The following RARB variants were observed in gnomAD, a reference collection of about 807,000 sequenced individuals.
RARB encodes HBV-activated protein.
In RARB, 17 loss-of-function variants were observed where a neutral mutation model predicts 51.9. The observed-to-expected ratio is 0.33, with a 90% confidence interval of 0.22 to 0.49. The LOEUF is 0.49. Among genes scored for constraint, RARB ranks in the 20% least tolerant of loss-of-function variants. The probability of loss-of-function intolerance (pLI) is 0.99; values close to 1 mark genes in which losing one functional copy is unlikely to be tolerated. For synonymous variants in RARB, 215 were observed against 195.4 expected (o/e 1.10, Z -0.84); for missense variants, 369 against 550.8 (o/e 0.67, Z 3.30).
intron 5 of RARB, among the ~76,000 whole-genome samples, chr3:25,363,980 G>T (rs1435613184): frequency 6.6e-6 from 1 of 152,054 alleles, no homozygotes; most frequent in Non-Finnish European, 1.5e-5. Flanking sequence ...TCCACTCATT[G>T]CTCAAACATC....
Position 24,868,665 on chromosome 3 carries a change from G to T in RARB, c.-380+9913G>T, listed in dbSNP as rs960421037. 2.0e-5 allele frequency among the ~76,000 whole-genome samples: 3 copies of T among 152,208 alleles called. No individual in the cohort carries two copies. The South Asian group carries it at 6.2e-4, about 32-fold the overall frequency. ...ATAACAGACTTTTTAGGTATAATAA[G>T]AAACATTTACAATCTATTCTCTCTG... is the stretch of plus-strand genomic sequence containing the variant. On this transcript the variant is annotated intron_variant, in intron 2 of 11. Coordinates refer to the RARB transcript ENST00000383772.
At position 25,110,400 on chromosome 3, in the gene RARB, T is replaced by C. The variant is rs529074912; in HGVS notation, c.-327-21761T>C. On this transcript the variant is annotated intron_variant, in intron 3 of 11. Coordinates refer to the RARB transcript ENST00000383772. ...AAATGAGGAAACTCAATCTAAGAGA[T>C]GCCAAAATCACTCAGTGAGTTAAGT... Among the ~76,000 whole-genome samples, 4 of 152,348 alleles carry C rather than the reference T, an allele frequency of 2.6e-5. No homozygotes were observed. The South Asian group carries it at 8.3e-4, about 32-fold the overall frequency.
intron 5 of RARB, among the ~76,000 whole-genome samples, chr3:25,305,584 C>T (rs2125430019): frequency 6.6e-6 from 1 of 152,284 alleles, no homozygotes; most frequent in African/African-American, 2.4e-5. Context: ...TGCCCAGAGG[C>T]TCTGAACCTT....
intron 5 of RARB, among the ~76,000 whole-genome samples, chr3:25,408,059 G>A (rs562782827): frequency 3.3e-5 from 5 of 152,102 alleles, no homozygotes; most frequent in Admixed American, 6.5e-5. Context: ...TGGATCTTCC[G>A]TATAAACCAC....
At chr3:24,885,928 A>G (rs975358315) in intron 2 of RARB, among the ~76,000 whole-genome samples, 1 of 152,184 alleles carries the variant, frequency 6.6e-6, no homozygotes, top group Non-Finnish European at 1.5e-5. Flanking sequence ...TATTTCTGTT[A>G]TATGCCACCT....
At chr3:25,383,028 A>C (rs981058036) in intron 5 of RARB, among the ~76,000 whole-genome samples, 2 of 152,200 alleles carry the variant, frequency 1.3e-5, no homozygotes, top group Admixed American at 1.3e-4. Context: ...GCCCGTTGTT[A>C]ACAATAGCAC....
chr3:25,225,170 G>A (rs1413724127), intron 5 of RARB, among the ~76,000 whole-genome samples: 7 of 152,070 alleles, frequency 4.6e-5, no homozygotes, highest in African/African-American at 1.7e-4. Flanking sequence ...TTTATAAGAT[G>A]CTTACTACAT....
chr3:25,515,273 A>G (rs949886800), intron 3 of RARB, among the ~76,000 whole-genome samples: 2 of 152,254 alleles, frequency 1.3e-5, no homozygotes, highest in Admixed American at 6.5e-5. Context: ...AGGACTGACA[A>G]TAGCAAATGT....
intron 5 of RARB, among the ~76,000 whole-genome samples, chr3:25,306,147 C>T (rs1236593379): frequency 6.6e-6 from 1 of 152,102 alleles, no homozygotes; most frequent in Non-Finnish European, 1.5e-5. Flanking sequence ...AAGTCCAGTG[C>T]CCCATTTTTG....
At chr3:25,081,857 T>A (rs1699012280) in intron 3 of RARB, among the ~76,000 whole-genome samples, 1 of 151,456 alleles carries the variant, frequency 6.6e-6, no homozygotes, top group African/African-American at 2.4e-5. Flanking sequence ...GGTCTCGAAC[T>A]CCTGACCTCA....
intron 5 of RARB, among the ~76,000 whole-genome samples, chr3:25,300,117 A>C (rs752056547): frequency 2.0e-5 from 3 of 152,222 alleles, no homozygotes; most frequent in Non-Finnish European, 2.9e-5. Context: ...AAATAATTTG[A>C]GAACCACTGC....
intron 3 of RARB, among the ~76,000 whole-genome samples, chr3:25,111,414 G>T (rs1304239747): frequency 6.6e-6 from 1 of 152,030 alleles, no homozygotes; most frequent in Non-Finnish European, 1.5e-5. Flanking sequence ...CTTATTTGTT[G>T]TTGTTCCTTG....
At position 25,024,722 on chromosome 3, in the gene RARB, C is replaced by T. The variant is rs140607243; in HGVS notation, c.-379-35403C>T. Among the ~76,000 whole-genome samples, 800 of 152,064 alleles carry T rather than the reference C, an allele frequency of 5.3e-3. 5 individuals carry two copies. Among genetic ancestry groups the T allele is most frequent in the African/African-American group, 0.017 (713 of 41,510 alleles). On this transcript the variant is annotated intron_variant, in intron 2 of 11. Coordinates refer to the RARB transcript ENST00000383772. ...ATCCCAGCACTTTGGGAGGCCAAGA[C>T]GGGCCAGATCACTTGAGCTCAGGAG...
intron 2 of RARB, among the ~76,000 whole-genome samples, chr3:24,982,738 T>C (rs574832137): frequency 1.3e-5 from 2 of 152,294 alleles, no homozygotes; most frequent in African/African-American, 2.4e-5. Flanking sequence ...TGGCTCCTAA[T>C]AATAGTTACA....
intron 3 of RARB, among the ~76,000 whole-genome samples, chr3:25,113,843 G>T (rs151309649): frequency 1.6e-4 from 24 of 152,172 alleles, no homozygotes; most frequent in Non-Finnish European, 3.2e-4. Context: ...AGGAGAGGCT[G>T]GTTGCATTGC....
Position 25,594,536 on chromosome 3 carries a change from G to A in RARB, c.1008G>A (p.Glu336=), listed in dbSNP as rs1701739099. 4 of 1,609,766 alleles carry A rather than the reference G, an allele frequency of 2.5e-6. No homozygotes were observed. Among genetic ancestry groups the A allele is most frequent in the Non-Finnish European group, 3.4e-6 (4 of 1,178,598 alleles). The part of the protein sequence containing the change: ...CLICGDRQDL[E]EPTKVDKLQE... ...GGTATCCAGACCGCCAGGACCTTGA[G>A]GAACCGACAAAAGTAGATAAGCTAC... is the stretch of plus-strand genomic sequence containing the variant. The change falls in exon 7 of 8, where the codon GAG becomes GAA. Residue 336 remains glutamate, a synonymous_variant. Transcript: ENST00000330688.
intron 2 of RARB, among the ~76,000 whole-genome samples, chr3:25,493,366 G>A (rs751177642): frequency 2.6e-5 from 4 of 152,106 alleles, no homozygotes; most frequent in African/African-American, 4.8e-5. Context: ...TTAAGGCAAC[G>A]TGTTTCCTGG....
At chr3:25,156,177 A>G (rs1010798106) in intron 4 of RARB, among the ~76,000 whole-genome samples, 1 of 152,170 alleles carries the variant, frequency 6.6e-6, no homozygotes, top group Admixed American at 6.5e-5. Flanking sequence ...ATGTCGTCTG[A>G]TACTGAATGT....
At chr3:25,530,038 T>G (rs1698832172) in intron 3 of RARB, among the ~76,000 whole-genome samples, 1 of 152,114 alleles carries the variant, frequency 6.6e-6, no homozygotes, top group African/African-American at 2.4e-5. Flanking sequence ...TGGCTGCCTC[T>G]CCCCTTCATA....
Sources: allele counts gnomAD v4.1 joint callset (sites outside exome capture counted in the v4.1 genomes callset), GRCh38; gene constraint gnomAD v4.1.1; transcripts MANE v1.5; gene names NCBI Gene and HGNC (gene_info 2026-07-23, HGNC 2026-07-21).